DENND2B: variants seen among roughly 807,000 people sequenced by gnomAD.
The protein encoded by DENND2B is DENN domain-containing protein 2B.
A neutral mutation model predicts 116.0 loss-of-function variants in DENND2B; 32 were observed. That is an observed-to-expected ratio of 0.28 (90% CI 0.21 to 0.37). DENND2B has a LOEUF of 0.37. DENND2B is among the 10% of genes least tolerant of loss of function. DENND2B has a pLI of 1.00. For synonymous variants in DENND2B, 588 were observed against 583.9 expected, an observed-to-expected ratio of 1.01 and a Z score of -0.10; for missense variants, 1,276 against 1,477.7, an observed-to-expected ratio of 0.86 and a Z score of 2.24.
At chr11:8,733,960 G>C (rs991111063) in intron 2 of DENND2B, among the ~76,000 whole-genome samples, 1 of 152,124 alleles carries the variant, frequency 6.6e-6, no homozygotes. Flanking sequence ...TGGGACCCAC[G>C]GCTTCACGTG....
intron 1 of DENND2B, among the ~76,000 whole-genome samples, chr11:8,755,447 G>T (rs531937518): frequency 6.6e-6 from 1 of 152,272 alleles, no homozygotes; most frequent in African/African-American, 2.4e-5. Context: ...CTTCGCATAA[G>T]CTCTCAGGGT....
intron 2 of DENND2B, among the ~76,000 whole-genome samples, chr11:8,862,628 C>A (rs2063436408): frequency 6.6e-6 from 1 of 152,158 alleles, no homozygotes; most frequent in Non-Finnish European, 1.5e-5. Context: ...TGCCACAGTG[C>A]CTGGCCAACT....
At position 8,870,526 on chromosome 11, in the gene DENND2B, C is replaced by T. The variant is rs74054244; in HGVS notation, c.-250+428G>A. On this transcript the variant is annotated intron_variant, in intron 2 of 6. Transcript: ENST00000524757. ...GCGTGTGTATGTGTGTGTGTGTGTGCGCGCGCGCGCGCGCGTTCTTCAAGG... is the reference window on the plus strand; with the variant it reads ...GCGTGTGTATGTGTGTGTGTGTGTGTGCGCGCGCGCGCGCGTTCTTCAAGG... Among the ~76,000 whole-genome samples, 1,192 of 145,722 alleles carry T rather than the reference C, an allele frequency of 8.2e-3. 12 individuals are homozygous for T. Among genetic ancestry groups the T allele is most frequent in the African/African-American group, 0.027 (1,094 of 40,410 alleles).
rs374746284 is a variant in DENND2B at position 8,750,607 on chromosome 11, G to T, written c.80+14C>A. On this transcript the variant is annotated intron_variant, in intron 2 of 19. Coordinates refer to ENST00000313726, the MANE Select transcript of DENND2B (RefSeq NM_213618.2). ...TCCCTTGATGCCACCTCCCACAAGT[G>T]CTCCCTTACCCACCTGCTCAGAGTC... 10 of 1,611,040 alleles carry T rather than the reference G, an allele frequency of 6.2e-6. No homozygotes were observed. The highest frequency in any genetic ancestry group is 8.5e-6 in the Non-Finnish European group (10 of 1,177,450).
chr11:8,833,309 G>A (rs1282640531), intron 4 of DENND2B, among the ~76,000 whole-genome samples: 1 of 152,178 alleles, frequency 6.6e-6, no homozygotes, highest in Non-Finnish European at 1.5e-5. Flanking sequence ...TATTAAAGAT[G>A]CCTTCCTGTT....
chr11:8,702,972 T>C lies in DENND2B; in HGVS notation c.2572-252A>G, dbSNP rs1487178263. 4 of 503,488 alleles carry C rather than the reference T, an allele frequency of 7.9e-6. No homozygotes were observed. Among genetic ancestry groups the C allele is most frequent in the Admixed American group, 3.4e-5 (1 of 29,448 alleles). 31.2% of individuals were successfully genotyped at this position (503,488 alleles called of 1,614,324 possible). Reference sequence around the variant, plus strand: ...CGGGGAAGGCTCCAGAAGGAAGGAGTTGAGGGGCCATCCATCGGGACCTCA... The same window carrying C: ...CGGGGAAGGCTCCAGAAGGAAGGAGCTGAGGGGCCATCCATCGGGACCTCA... On this transcript the variant is annotated intron_variant, in intron 13 of 19. Coordinates refer to ENST00000313726, the MANE Select transcript of DENND2B (RefSeq NM_213618.2). The surrounding 1 kb of genome is among the most constrained non-coding windows in gnomAD (Gnocchi z 4.6).
chr11:8,870,127 G>A (rs1301821861), intron 2 of DENND2B, among the ~76,000 whole-genome samples: 1 of 152,166 alleles, frequency 6.6e-6, no homozygotes, highest in Non-Finnish European at 1.5e-5. Flanking sequence ...TATCCAAACA[G>A]CAGAAACACC....
At chr11:8,810,181 G>A (rs1756092312) in intron 1 of DENND2B, 1 of 151,864 alleles carries the variant, frequency 6.6e-6, no homozygotes, top group African/African-American at 2.4e-5. Context: ...AAACACCACG[G>A]GAGTGATGTT....
At chr11:8,769,660 G>A (rs927705890) in intron 1 of DENND2B, among the ~76,000 whole-genome samples, 2 of 152,054 alleles carry the variant, frequency 1.3e-5, no homozygotes, top group African/African-American at 4.8e-5. Context: ...CTGTGCCTCC[G>A]CTCTGAGCCA....
intron 1 of DENND2B, among the ~76,000 whole-genome samples, chr11:8,806,412 C>T (rs2060839852): frequency 6.6e-6 from 1 of 152,084 alleles, no homozygotes; most frequent in Non-Finnish European, 1.5e-5. Context: ...GCATATAATT[C>T]ACTCTTTTAT....
chr11:8,698,887 G>A (rs769552504), intron 16 of DENND2B, 46 bp downstream of exon 16: 2 of 1,608,928 alleles, frequency 1.2e-6, no homozygotes. Context: ...GTGTGATGGT[G>A]CAGGGTGCTC....
chr11:8,696,798 T>C, intron 17 of DENND2B, 132 bp from the exon 18 acceptor site: 1 of 1,400,160 alleles, frequency 7.1e-7, no homozygotes, highest in Non-Finnish European at 9.6e-7. Flanking sequence ...GGAAGCTCTT[T>C]TTGAGACCGA....
intron 1 of DENND2B, among the ~76,000 whole-genome samples, chr11:8,798,677 T>C (rs547263804): frequency 6.6e-6 from 1 of 151,926 alleles, no homozygotes; most frequent in African/African-American, 2.4e-5. Flanking sequence ...ATAAGCAGAA[T>C]AGGCACCTAC....
At position 8,694,055 on chromosome 11, in the gene DENND2B, A is replaced by G; in HGVS notation, c.*41T>C. ...AGGCTGGGCCTTCTCCCCAGGCTTCAGGCTCTGCAAGGCACTGGACTCTGC... is the reference window on the plus strand; with the variant it reads ...AGGCTGGGCCTTCTCCCCAGGCTTCGGGCTCTGCAAGGCACTGGACTCTGC... On this transcript the variant is annotated 3_prime_UTR_variant, in exon 20 of 20. Transcript: ENST00000313726. 1 of 1,612,524 alleles carries G rather than the reference A, an allele frequency of 6.2e-7. No individual in the cohort carries two copies. The highest frequency in any genetic ancestry group is 8.5e-7 in the Non-Finnish European group (1 of 1,178,968).
chr11:8,776,152 GCGCGCGCGCACA>G (rs2057648276), intron 1 of DENND2B: 10 of 264,364 alleles, frequency 3.8e-5, no homozygotes, highest in African/African-American at 2.6e-4. Flanking sequence ...GCGCGCACGC[GCGCGCGCGCACA>G]CACACACACA....
At chr11:8,891,147 A>G (rs1191582518) in intron 1 of DENND2B, among the ~76,000 whole-genome samples, 1 of 152,230 alleles carries the variant, frequency 6.6e-6, no homozygotes. Flanking sequence ...ACTAAGCTTC[A>G]TAAGTGAAGG....
At chr11:8,737,155 G>A (rs1014563985) in intron 2 of DENND2B, among the ~76,000 whole-genome samples, 2 of 152,078 alleles carry the variant, frequency 1.3e-5, no homozygotes, top group African/African-American at 4.8e-5. Flanking sequence ...ATAGAGTCTG[G>A]GTTATAAATT....
intron 1 of DENND2B, among the ~76,000 whole-genome samples, chr11:8,751,988 C>T (rs2052591322): frequency 6.6e-6 from 1 of 152,196 alleles, no homozygotes; most frequent in Admixed American, 6.5e-5. Flanking sequence ...GCACCCATGT[C>T]CACGGCAAAT....
At chr11:8,869,348 G>C (rs753896951) in intron 2 of DENND2B, among the ~76,000 whole-genome samples, 4 of 152,156 alleles carry the variant, frequency 2.6e-5, no homozygotes, top group Non-Finnish European at 5.9e-5. Flanking sequence ...CCCTATCTTG[G>C]GGAGTTTTTC....
Sources: gnomAD v4.1 joint callset for allele counts (sites outside exome capture counted in the v4.1 genomes callset) on GRCh38, gnomAD v4.1.1 for gene constraint, Gnocchi (gnomAD v3.1) non-coding constraint, MANE v1.5 for transcripts, NCBI Gene and HGNC (gene_info 2026-07-23, HGNC 2026-07-21) for gene names.